The following C5orf58 variants were observed in gnomAD, a reference collection of about 807,000 sequenced individuals.
C5orf58 encodes the protein putative uncharacterized protein C5orf58.
In C5orf58, 2 loss-of-function variants were observed where a neutral mutation model predicts 2.9. The ratio of observed to expected loss-of-function variants is 0.69; its 90% CI spans 0.28 to 2.18. The LOEUF is 2.18. Ranked by LOEUF, C5orf58 falls within the 30% of genes most tolerant of loss-of-function variation. The pLI, the probability that C5orf58 is intolerant of heterozygous loss-of-function variation, is 0.13. For missense variants in C5orf58, 96 were observed against 91.7 expected, an observed-to-expected ratio of 1.05 and a Z score of -0.19; for synonymous variants, 37 against 33.4, an observed-to-expected ratio of 1.11 and a Z score of -0.37.
chr5:170,250,945 T>TCTACTACTCTTACAAGC, downstream of C5orf58: 4 of 1,410,284 alleles, frequency 2.8e-6, no homozygotes, highest in Non-Finnish European at 4.0e-6. Flanking sequence ...TTGTTGCTTG[T>TCTACTACTCTTACAAGC]AAGAGTAGTA....
At chr5:170,240,996 C>G (rs1297319231) in intron 3 of C5orf58, among the ~76,000 whole-genome samples, 28 of 148,340 alleles carry the variant, frequency 1.9e-4, no homozygotes, top group African/African-American at 6.2e-4. Flanking sequence ...CTACATATGG[C>G]TAGCCAGTTT....
downstream of C5orf58, chr5:170,250,756 A>G (rs751413816): frequency 6.2e-7 from 1 of 1,613,518 alleles, no homozygotes; most frequent in South Asian, 1.1e-5. Context: ...CCAGTTCCCA[A>G]CAAGTAAACT....
intron 3 of C5orf58, 26 bp downstream of exon 3, chr5:170,235,096 T>A (rs780652499): frequency 8.8e-7 from 1 of 1,134,992 alleles, no homozygotes; most frequent in Non-Finnish European, 1.3e-6. Context: ...CTAAAATGTT[T>A]GCATGTCATT....
Position 170,234,959 on chromosome 5 carries a change from T to C in C5orf58, c.1-18T>C, listed in dbSNP as rs776294546. 2.4e-6 allele frequency: 3 copies of C among 1,236,136 alleles called. No individual in the cohort carries two copies. The South Asian group carries it at 4.1e-5, about 17-fold the overall frequency. The allele number at this position is 1,236,136 out of a possible 1,614,324, so 76.6% of individuals were successfully genotyped here. On this transcript the variant is annotated intron_variant, in intron 2 of 3. Transcript: ENST00000593851. Reference sequence around the variant, plus strand: ...AATACTGATTTATACATTGTTTCTGTTTTTCTTTTAAAATCAGATGGGTAA... The same window carrying C: ...AATACTGATTTATACATTGTTTCTGCTTTTCTTTTAAAATCAGATGGGTAA...
chr5:170,249,183 G>T (rs1032974731), downstream of C5orf58, among the ~76,000 whole-genome samples: 11 of 151,894 alleles, frequency 7.2e-5, no homozygotes, highest in Non-Finnish European at 1.5e-4. Context: ...ATATTAGCTG[G>T]GCGTGCTGGT....
intron 3 of C5orf58, among the ~76,000 whole-genome samples, chr5:170,244,812 G>A (rs1196392745): frequency 2.0e-5 from 3 of 152,192 alleles, no homozygotes; most frequent in African/African-American, 7.2e-5. Flanking sequence ...GCTTTGTTCT[G>A]TTGCTGGTGA....
At chr5:170,243,861 T>A (rs1015844312) in intron 3 of C5orf58, among the ~76,000 whole-genome samples, 2 of 149,110 alleles carry the variant, frequency 1.3e-5, no homozygotes, top group African/African-American at 5.0e-5. Flanking sequence ...TTGATGCAGT[T>A]TCTTCCTAGT....
downstream of C5orf58, chr5:170,250,595 A>G: frequency 2.9e-6 from 2 of 687,228 alleles, no homozygotes; most frequent in South Asian, 3.5e-5. Context: ...CTCTTCCAAT[A>G]AATGAAGGGC....
chr5:170,248,920 T>A (rs1761361714), downstream of C5orf58: 2 of 1,178,406 alleles, frequency 1.7e-6, no homozygotes, highest in South Asian at 1.3e-5. Context: ...CCTCTTCAAG[T>A]GATGAGGATT....
At chr5:170,233,282 TAGTA>T (rs1354405839) in intron 1 of C5orf58, 1 of 152,216 alleles carries the variant, frequency 6.6e-6, no homozygotes, top group Non-Finnish European at 1.5e-5. Flanking sequence ...GCAAGAAACT[TAGTA>T]AGCCCCAAAG....
intron 3 of C5orf58, among the ~76,000 whole-genome samples, chr5:170,240,565 A>C (rs1191168831): frequency 1.3e-5 from 2 of 151,884 alleles, no homozygotes; most frequent in East Asian, 3.9e-4. Context: ...TGGCTGCATA[A>C]ATGTCTTCTT....
Position 170,245,975 on chromosome 5 carries a change from A to T in C5orf58, c.108A>T (p.Leu36Phe). ...TGTTTTGCACAGAGCTCTCCCAGTT[A>T]TTGCTTTGTGACCTTATCCTACATT... ...ELKKIKELSQLLLCDLILHFN... is the reference protein window; with the variant it reads ...ELKKIKELSQFLLCDLILHFN... The change falls in exon 4 of 4, where the codon TTA (leucine) becomes TTT (phenylalanine). Residue 36 changes from leucine to phenylalanine, a missense_variant. Leu to Phe is a conservative substitution (Grantham distance 22). Transcript: ENST00000593851. 3 of 1,613,190 alleles carry T rather than the reference A, an allele frequency of 1.9e-6. No individual in the cohort carries two copies. The highest frequency in any genetic ancestry group is 2.5e-6 in the Non-Finnish European group (3 of 1,179,582).
rs572996633 is a variant in C5orf58, at chr5:170,240,030, GT to G, written c.94+4966del. On this transcript the variant is annotated intron_variant, in intron 3 of 3. Transcript: ENST00000593851. Reference sequence around the variant, plus strand: ...TATAAGTGAGAATATGCGGTGTTTGGTTTTTTGTTCTTGCGATAGTTTACTG... The same window carrying G: ...TATAAGTGAGAATATGCGGTGTTTGGTTTTTGTTCTTGCGATAGTTTACTG... 1.6e-4 allele frequency among the ~76,000 whole-genome samples: 24 copies of G among 150,682 alleles called. 1 individual carries two copies. The South Asian group carries it at 4.9e-3, about 31-fold the overall frequency.
intron 3 of C5orf58, chr5:170,237,239 C>T: frequency 2.0e-5 from 8 of 398,382 alleles, no homozygotes; most frequent in Non-Finnish European, 3.5e-5. Context: ...TAAATGAACA[C>T]TCTGTGCACC....
At chr5:170,242,027 TGA>T (rs1761035309) in intron 3 of C5orf58, among the ~76,000 whole-genome samples, 1 of 145,154 alleles carries the variant, frequency 6.9e-6, no homozygotes, top group Non-Finnish European at 1.5e-5. Context: ...CTGCATCTAT[TGA>T]GATAATCATG....
chr5:170,248,892 T>C, downstream of C5orf58: 1 of 1,469,314 alleles, frequency 6.8e-7, no homozygotes, highest in Non-Finnish European at 9.4e-7. Flanking sequence ...AGTTTTTTTA[T>C]CTGCATAATA....
At chr5:170,248,492 T>TACAA, downstream of C5orf58, 1 of 512,246 alleles carries the variant, frequency 2.0e-6, no homozygotes, top group Non-Finnish European at 3.5e-6. Flanking sequence ...TCATGCACTT[T>TACAA]ACAAACATTG....
intron 1 of C5orf58, 115 bp from the exon 2 acceptor site, chr5:170,234,000 C>G (rs931089957): frequency 2.2e-5 from 10 of 459,110 alleles, no homozygotes; most frequent in Non-Finnish European, 3.6e-5. Flanking sequence ...TTCTTTTTCC[C>G]TGCAACTTGA....
chr5:170,244,043 A>G (rs1761140842), intron 3 of C5orf58, among the ~76,000 whole-genome samples: 1 of 151,562 alleles, frequency 6.6e-6, no homozygotes, highest in African/African-American at 2.4e-5. Flanking sequence ...TATGAAGCTT[A>G]GTTTGGCTGG....
Sources: gnomAD v4.1 joint callset for allele counts (sites outside exome capture counted in the v4.1 genomes callset) on GRCh38, gnomAD v4.1.1 for gene constraint, MANE v1.5 for transcripts, NCBI Gene and HGNC (gene_info 2026-07-23, HGNC 2026-07-21) for gene names.